PAWR: variants seen among roughly 807,000 people sequenced by gnomAD.
The protein encoded by PAWR is pro-apoptotic WT1 regulator, also known as PRKC apoptosis WT1 regulator protein.
PAWR carries 23 observed loss-of-function variants against 32.0 expected under a neutral mutation model. The observed-to-expected ratio is 0.72, with a 90% CI of 0.52 to 1.02. The LOEUF is 1.02. Ranked by LOEUF, PAWR falls within the 50% of genes least tolerant of loss-of-function variation. The pLI, the probability that PAWR is intolerant of heterozygous loss-of-function variation, is 0.00. For missense variants in PAWR, 457 were observed against 437.7 expected (o/e 1.04, Z -0.39); for synonymous variants, 226 against 187.1 (o/e 1.21, Z -1.70).
chr12:79,640,565 ACT>A (rs111442960), intron 2 of PAWR, among the ~76,000 whole-genome samples: 29,632 of 151,492 alleles, frequency 0.2, 7,668 homozygotes, highest in African/African-American at 0.59. Flanking sequence ...ACATGACAAA[ACT>A]CTGTCTCTAT....
intron 4 of PAWR, among the ~76,000 whole-genome samples, chr12:79,611,253 T>G (rs973998282): frequency 6.8e-6 from 1 of 146,608 alleles, no homozygotes; most frequent in Non-Finnish European, 1.5e-5. Context: ...GTATATATTA[T>G]ATATATTTAT....
chr12:79,690,444 G>A, intron 1 of PAWR, 53 bp from the exon 2 acceptor site: 3 of 1,154,312 alleles, frequency 2.6e-6, no homozygotes, highest in Non-Finnish European at 1.1e-6. Context: ...ATCCCCGCCC[G>A]ACCCAAGGGT....
chr12:79,645,111 G>A (rs569747502), intron 2 of PAWR, among the ~76,000 whole-genome samples: 21 of 150,982 alleles, frequency 1.4e-4, no homozygotes, highest in South Asian at 4.2e-4. Flanking sequence ...GCTTCTAATC[G>A]GACTCCAAGT....
intron 2 of PAWR, among the ~76,000 whole-genome samples, chr12:79,629,885 C>A (rs765887196): frequency 2.0e-5 from 3 of 151,678 alleles, no homozygotes; most frequent in African/African-American, 7.3e-5. Context: ...CAAATAATCA[C>A]GTGAAAAAAG....
chr12:79,595,253 A>AT (rs926964130), intron 5 of PAWR, among the ~76,000 whole-genome samples: 14 of 151,136 alleles, frequency 9.3e-5, no homozygotes, highest in Non-Finnish European at 1.6e-4. Flanking sequence ...CTGATTTTTA[A>AT]TTTTTTTTTT....
At chr12:79,601,667 A>G (rs563339626) in intron 4 of PAWR, among the ~76,000 whole-genome samples, 87 of 152,300 alleles carry the variant, frequency 5.7e-4, no homozygotes, top group African/African-American at 1.8e-3. Context: ...GAGCATAAGA[A>G]AAAGACTAAA....
chr12:79,636,511 C>T (rs941630240), intron 2 of PAWR, among the ~76,000 whole-genome samples: 2 of 152,030 alleles, frequency 1.3e-5, no homozygotes, highest in Non-Finnish European at 2.9e-5. Context: ...AAAATTTCAA[C>T]ATAAAACATA....
intron 2 of PAWR, among the ~76,000 whole-genome samples, chr12:79,684,820 T>C (rs544412623): frequency 1.3e-5 from 2 of 152,326 alleles, no homozygotes; most frequent in African/African-American, 4.8e-5. Context: ...AATTTAACAC[T>C]AAAATATTCT....
At chr12:79,689,595 T>G (rs1878865319) in intron 2 of PAWR, 134 bp downstream of exon 2, 1 of 985,272 alleles carries the variant, frequency 1.0e-6, no homozygotes, top group Non-Finnish European at 1.4e-6. Flanking sequence ...ACCCCCTGCC[T>G]GCCTAACTCG....
chr12:79,606,559 G>A (rs1445262286), intron 4 of PAWR, among the ~76,000 whole-genome samples: 2 of 152,118 alleles, frequency 1.3e-5, no homozygotes, highest in East Asian at 3.8e-4. Flanking sequence ...AAAGATCTGA[G>A]TGGATTTGTG....
At position 79,632,296 on chromosome 12, in the gene PAWR, CATAT is replaced by C. The variant is rs1190978680; in HGVS notation, c.517-11093_517-11090del. On this transcript the variant is annotated intron_variant, in intron 2 of 6. Coordinates refer to ENST00000328827, the MANE Select transcript of PAWR (RefSeq NM_002583.4). ...TAGAGTCCAGAAATAGAAATATATA[CATAT>C]ATATATACATACATATATATATATA... 32 of 36,772 alleles carry C rather than the reference CATAT, an allele frequency of 8.7e-4. 1 individual carries two copies. Among genetic ancestry groups the C allele is most frequent in the Admixed American group, 1.7e-3 (4 of 2,342 alleles). 2.3% of individuals were successfully genotyped at this position (36,772 alleles called of 1,614,324 possible).
intron 2 of PAWR, among the ~76,000 whole-genome samples, chr12:79,624,845 T>C (rs978975302): frequency 2.0e-5 from 3 of 152,136 alleles, no homozygotes; most frequent in African/African-American, 7.2e-5. Flanking sequence ...TGATGAACAT[T>C]TGGGTTTTTT....
chr12:79,605,233 G>T (rs558189204), intron 4 of PAWR, among the ~76,000 whole-genome samples: 1 of 152,012 alleles, frequency 6.6e-6, no homozygotes, highest in Non-Finnish European at 1.5e-5. Flanking sequence ...AATTTAAGTT[G>T]TTGCAGTTAG....
intron 6 of PAWR, among the ~76,000 whole-genome samples, chr12:79,593,138 A>C (rs1434835087): frequency 6.6e-6 from 1 of 152,010 alleles, no homozygotes; most frequent in Non-Finnish European, 1.5e-5. Context: ...CAAGTTCTAG[A>C]TGCACTCCTA....
At chr12:79,639,811 A>T (rs1228636424) in intron 2 of PAWR, among the ~76,000 whole-genome samples, 6 of 133,682 alleles carry the variant, frequency 4.5e-5, no homozygotes, top group African/African-American at 1.9e-4. Context: ...TTTCCATTCC[A>T]TTCCTTTTCC....
intron 2 of PAWR, among the ~76,000 whole-genome samples, chr12:79,666,604 T>C (rs1031983514): frequency 1.3e-5 from 2 of 152,168 alleles, no homozygotes; most frequent in African/African-American, 2.4e-5. Flanking sequence ...ATGAAGCAGA[T>C]AGGAGAAACA....
intron 4 of PAWR, among the ~76,000 whole-genome samples, chr12:79,607,744 AAT>A (rs202247397): frequency 8.8e-4 from 129 of 146,112 alleles, no homozygotes; most frequent in Non-Finnish European, 1.3e-3. Flanking sequence ...AAAAAAAAAA[AAT>A]AATAATAATA....
intron 2 of PAWR, among the ~76,000 whole-genome samples, chr12:79,686,901 CTAGATTA>C (rs1158742446): frequency 6.6e-6 from 1 of 152,052 alleles, no homozygotes; most frequent in Non-Finnish European, 1.5e-5. Flanking sequence ...ATCCTTCTTC[CTAGATTA>C]TAGCCTTGCT....
At chr12:79,634,596 T>A (rs538663007) in intron 2 of PAWR, among the ~76,000 whole-genome samples, 1 of 152,300 alleles carries the variant, frequency 6.6e-6, no homozygotes, top group Non-Finnish European at 1.5e-5. Context: ...ATTTTCCAAC[T>A]GCCAGGTGTA....
Sources: allele counts gnomAD v4.1 joint callset (sites outside exome capture counted in the v4.1 genomes callset), GRCh38; gene constraint gnomAD v4.1.1; transcripts MANE v1.5; gene names NCBI Gene and HGNC (gene_info 2026-07-23, HGNC 2026-07-21).